The following KYAT1 variants were observed in gnomAD, a reference collection of about 807,000 sequenced individuals.
KYAT1 encodes kynurenine--oxoglutarate transaminase 1.
In KYAT1, 47 loss-of-function variants were observed where a neutral mutation model predicts 52.4. The ratio of observed to expected loss-of-function variants is 0.90; its 90% CI spans 0.71 to 1.14. The LOEUF (loss-of-function observed/expected upper bound fraction) is 1.14, where lower values mean the gene tolerates loss of function less well. Among genes scored for constraint, KYAT1 ranks in the 50% most tolerant of loss-of-function variants. The pLI, the probability that KYAT1 is intolerant of heterozygous loss-of-function variation, is 0.00. For missense variants in KYAT1, 480 were observed against 557.9 expected, an observed-to-expected ratio of 0.86 and a Z score of 1.41; for synonymous variants, 212 against 209.6, an observed-to-expected ratio of 1.01 and a Z score of -0.10.
At position 128,861,407 on chromosome 9, in the gene KYAT1, C is replaced by T. The variant is rs57644514; in HGVS notation, c.-6-15996G>A. On this transcript the variant is annotated intron_variant, in intron 1 of 12. Transcript: ENST00000302586. ...CTCTCTCCTGCCGCCATGTGAAGAA[C>T]GTGTTTGCTTCCCCTTCTGCCATGA... Among the ~76,000 whole-genome samples the T allele has an allele frequency of 8.4e-3, 1,276 of 152,300 alleles. 16 individuals carry two copies. The highest frequency in any genetic ancestry group is 0.029 in the African/African-American group (1,214 of 41,570).
chr9:128,882,024 A>T (rs1442482391), upstream of KYAT1: 1 of 152,252 alleles, frequency 6.6e-6, no homozygotes, highest in Admixed American at 6.5e-5. Flanking sequence ...GCTAGCGCGG[A>T]GGCGAGAGCG....
intron 1 of KYAT1, among the ~76,000 whole-genome samples, chr9:128,878,113 C>T (rs1838289958): frequency 6.6e-6 from 1 of 152,128 alleles, no homozygotes; most frequent in South Asian, 2.1e-4. Flanking sequence ...GGCTCACAGC[C>T]ACTTGTCAAT....
At position 128,833,226 on chromosome 9, in the gene KYAT1, C is replaced by T; in HGVS notation, c.*358G>A. The T allele has an allele frequency of 1.1e-5, 4 of 370,818 alleles. No individual in the cohort carries two copies. The South Asian group carries it at 1.5e-4, about 14-fold the overall frequency. The allele number at this position is 370,818 out of a possible 1,614,324, so 23.0% of individuals were successfully genotyped here. The stretch of plus-strand genomic sequence containing the variant: ...ATGAGCCAGGGAAGGTGAGGTTATA[C>T]CTGAGCCTTAGCAGGGGCCATGCAG... On this transcript the variant is annotated 3_prime_UTR_variant, in exon 13 of 13. Coordinates refer to ENST00000302586, the MANE Select transcript of KYAT1 (RefSeq NM_004059.5).
chr9:128,865,334 T>TACATAC (rs1836130201), intron 1 of KYAT1, among the ~76,000 whole-genome samples: 1 of 2,452 alleles, frequency 4.1e-4, no homozygotes, highest in African/African-American at 9.2e-4. Context: ...TATATATATA[T>TACATAC]ATATATATAT....
intron 1 of KYAT1, among the ~76,000 whole-genome samples, chr9:128,861,775 A>G (rs2130677888): frequency 6.6e-6 from 1 of 152,334 alleles, no homozygotes; most frequent in African/African-American, 2.4e-5. Context: ...GAGCGGCCCA[A>G]GGGCAGGCCC....
intron 1 of KYAT1, among the ~76,000 whole-genome samples, chr9:128,849,004 A>G (rs1361916723): frequency 6.6e-6 from 1 of 151,762 alleles, no homozygotes; most frequent in African/African-American, 2.4e-5. Flanking sequence ...AGTCCCAGCT[A>G]CTTGTGAGGC....
chr9:128,846,662 A>C (rs1833152712), intron 1 of KYAT1: 1 of 1,479,776 alleles, frequency 6.8e-7, no homozygotes, highest in Non-Finnish European at 9.0e-7. Context: ...GAGCCACCAA[A>C]CTCAGGTCCT....
chr9:128,845,413 T>C lies in KYAT1; in HGVS notation c.-6-2A>G. On this transcript the variant is annotated splice_acceptor_variant, in intron 1 of 12. Transcript: ENST00000302586. LOFTEE classifies it low-confidence loss of function (5UTR_SPLICE). ...CTGCAGCTGTTTGGCCATGGCGAGC[T>C]GGAGACGAACAAGTGGAAGGTCAGA... The C allele has an allele frequency of 1.2e-6, 2 of 1,613,686 alleles. No individual in the cohort carries two copies. The highest frequency in any genetic ancestry group is 1.7e-6 in the Non-Finnish European group (2 of 1,179,960).
intron 1 of KYAT1, among the ~76,000 whole-genome samples, chr9:128,865,961 C>T (rs1245666332): frequency 6.6e-6 from 1 of 152,186 alleles, no homozygotes; most frequent in Non-Finnish European, 1.5e-5. Flanking sequence ...GAATGTCTAT[C>T]GCTTGCACCA....
chr9:128,842,101 A>G, intron 3 of KYAT1: 1 of 354,790 alleles, frequency 2.8e-6, no homozygotes, highest in Admixed American at 2.8e-5. Flanking sequence ...CTGAGGTGGG[A>G]GGACCACTTG....
chr9:128,852,183 G>C (rs1834039300), intron 1 of KYAT1, among the ~76,000 whole-genome samples: 1 of 152,176 alleles, frequency 6.6e-6, no homozygotes. Flanking sequence ...TTGTAATTCA[G>C]AAAAAATCAG....
chr9:128,847,984 C>T (rs1031960428), intron 1 of KYAT1, among the ~76,000 whole-genome samples: 1 of 152,132 alleles, frequency 6.6e-6, no homozygotes, highest in Non-Finnish European at 1.5e-5. Context: ...GACTAAAATA[C>T]AGGGACAGAA....
chr9:128,835,305 G>A lies in KYAT1; in HGVS notation c.1122+18C>T. 1 of 1,607,390 alleles carries A rather than the reference G, an allele frequency of 6.2e-7. No homozygotes were observed. The highest frequency in any genetic ancestry group is 8.5e-7 in the Non-Finnish European group (1 of 1,174,260). On this transcript the variant is annotated intron_variant, in intron 11 of 12. Transcript: ENST00000302586. ...CCTGTGAAACCATACATGGCTGCCT[G>A]GCAGAGGCCCAGCCCACCTTGTTCT...
chr9:128,879,628 C>T (rs921423637), intron 1 of KYAT1, among the ~76,000 whole-genome samples: 1 of 152,168 alleles, frequency 6.6e-6, no homozygotes, highest in Admixed American at 6.5e-5. Flanking sequence ...TTAGTGGACA[C>T]CAAGGCCAAG....
intron 3 of KYAT1, among the ~76,000 whole-genome samples, chr9:128,840,220 T>C (rs1422677952): frequency 6.6e-6 from 1 of 152,128 alleles, no homozygotes; most frequent in Admixed American, 6.6e-5. Flanking sequence ...GAGGATTGCT[T>C]GAGCCCAGGA....
At chr9:128,849,233 G>A (rs1833566726) in intron 1 of KYAT1, among the ~76,000 whole-genome samples, 1 of 150,786 alleles carries the variant, frequency 6.6e-6, no homozygotes, top group Admixed American at 6.6e-5. Flanking sequence ...TCAACATGGT[G>A]AAACCCCATT....
chr9:128,842,840 C>T, intron 2 of KYAT1, 39 bp from the exon 3 acceptor site: 1 of 1,593,010 alleles, frequency 6.3e-7, no homozygotes, highest in East Asian at 2.3e-5. Context: ...GCCCAGCCCT[C>T]CATGGTGACC....
At chr9:128,839,203 A>T (rs947113231) in intron 3 of KYAT1, among the ~76,000 whole-genome samples, 1 of 151,928 alleles carries the variant, frequency 6.6e-6, no homozygotes, top group South Asian at 2.1e-4. Flanking sequence ...ACCTTGGGTA[A>T]TCTGCCTGCT....
intron 1 of KYAT1, among the ~76,000 whole-genome samples, chr9:128,873,101 G>GTAAACT (rs1204892246): frequency 6.7e-6 from 1 of 148,468 alleles, no homozygotes; most frequent in Admixed American, 6.7e-5. Flanking sequence ...AAAAGACCAT[G>GTAAACT]TAAACTTAAA....
Sources: allele counts gnomAD v4.1 joint callset (sites outside exome capture counted in the v4.1 genomes callset), GRCh38; gene constraint gnomAD v4.1.1; transcripts MANE v1.5; gene names NCBI Gene and HGNC (gene_info 2026-07-23, HGNC 2026-07-21).